Variants in MANBAL observed in about 807,000 individuals in gnomAD.
The protein encoded by MANBAL is mannosidase beta like.
Under a neutral mutation model 6.4 loss-of-function variants are expected in MANBAL, and 1 was observed. That is an observed-to-expected ratio of 0.16 (90% CI 0.06 to 0.74). The LOEUF (loss-of-function observed/expected upper bound fraction) is 0.74, where lower values mean the gene tolerates loss of function less well. Ranked by LOEUF, MANBAL falls within the 30% of genes least tolerant of loss-of-function variation. The probability of loss-of-function intolerance (pLI) is 0.78; values close to 1 mark genes in which losing one functional copy is unlikely to be tolerated. For synonymous variants in MANBAL, 47 were observed against 45.8 expected (o/e 1.03, Z -0.10); for missense variants, 100 against 107.8 (o/e 0.93, Z 0.32).
At chr20:37,296,018 T>C (rs573743438) in intron 1 of MANBAL, among the ~76,000 whole-genome samples, 1 of 152,388 alleles carries the variant, frequency 6.6e-6, no homozygotes, top group East Asian at 1.9e-4. Flanking sequence ...TAGAGCAGTT[T>C]ATGTTTCCAG....
chr20:37,306,720 C>A (rs1349119674), intron 2 of MANBAL, among the ~76,000 whole-genome samples: 1 of 152,170 alleles, frequency 6.6e-6, no homozygotes, highest in Non-Finnish European at 1.5e-5. Context: ...CAAGTCTGAT[C>A]AATTGCTTGG....
At chr20:37,314,841 C>T (rs979951303) in intron 2 of MANBAL, among the ~76,000 whole-genome samples, 5 of 152,222 alleles carry the variant, frequency 3.3e-5, no homozygotes, top group Non-Finnish European at 7.4e-5. Flanking sequence ...ACTGCCCTTC[C>T]CTGCATGGGC....
chr20:37,315,108 C>G (rs969513919), intron 2 of MANBAL, among the ~76,000 whole-genome samples: 1 of 152,190 alleles, frequency 6.6e-6, no homozygotes, highest in Non-Finnish European at 1.5e-5. Context: ...GGGCCACGGT[C>G]GGCACCTGAA....
At chr20:37,302,809 TTA>T (rs2069169144) in intron 2 of MANBAL, among the ~76,000 whole-genome samples, 1 of 152,158 alleles carries the variant, frequency 6.6e-6, no homozygotes, top group Non-Finnish European at 1.5e-5. Context: ...AATTTGTTTT[TTA>T]TGTTCAGTGG....
At chr20:37,315,557 A>G (rs755738942) in intron 2 of MANBAL, among the ~76,000 whole-genome samples, 3 of 152,216 alleles carry the variant, frequency 2.0e-5, no homozygotes, top group Non-Finnish European at 2.9e-5. Context: ...TTAGCAGCAG[A>G]ACTTTGTTTC....
chr20:37,297,472 C>T (rs1163203356), intron 1 of MANBAL: 1 of 152,174 alleles, frequency 6.6e-6, no homozygotes, highest in Admixed American at 6.5e-5. Context: ...AAGTGGCCAT[C>T]CTGTTGCCCC....
At chr20:37,304,605 G>A (rs1486330305) in intron 2 of MANBAL, among the ~76,000 whole-genome samples, 1 of 152,118 alleles carries the variant, frequency 6.6e-6, no homozygotes, top group African/African-American at 2.4e-5. Flanking sequence ...TACGCAATAT[G>A]TTCTGGAGAT....
intron 2 of MANBAL, among the ~76,000 whole-genome samples, chr20:37,309,637 T>C (rs1040090747): frequency 2.6e-5 from 4 of 152,136 alleles, no homozygotes; most frequent in African/African-American, 9.7e-5. Context: ...TGATGATGTT[T>C]TGGCTCATCA....
intron 2 of MANBAL, chr20:37,302,206 C>G: frequency 6.5e-7 from 1 of 1,548,428 alleles, no homozygotes; most frequent in Middle Eastern, 1.7e-4. Flanking sequence ...ATACCTACAT[C>G]CCAGGAATTG....
At chr20:37,290,096 C>T (rs1488494283) in intron 1 of MANBAL, among the ~76,000 whole-genome samples, 1 of 152,204 alleles carries the variant, frequency 6.6e-6, no homozygotes, top group Non-Finnish European at 1.5e-5. Flanking sequence ...GTTTCGTCTT[C>T]TAAAATGGAC....
chr20:37,299,728 G>A (rs1379648742), intron 1 of MANBAL, among the ~76,000 whole-genome samples: 2 of 152,244 alleles, frequency 1.3e-5, no homozygotes, highest in Admixed American at 1.3e-4. Context: ...GAGGGTGACA[G>A]GAGAGGCATG....
chr20:37,303,123 C>G (rs935328501), intron 2 of MANBAL, among the ~76,000 whole-genome samples: 1 of 152,204 alleles, frequency 6.6e-6, no homozygotes, highest in African/African-American at 2.4e-5. Context: ...GTTGCCCAGG[C>G]TGGTCACAAA....
chr20:37,300,041 C>A (rs191923064), intron 1 of MANBAL, among the ~76,000 whole-genome samples: 1 of 152,124 alleles, frequency 6.6e-6, no homozygotes, highest in South Asian at 2.1e-4. Context: ...TTGGCAGGGG[C>A]CTCCTCCTGG....
intron 1 of MANBAL, among the ~76,000 whole-genome samples, chr20:37,292,778 G>A (rs1289298364): frequency 6.6e-6 from 1 of 152,120 alleles, no homozygotes; most frequent in Non-Finnish European, 1.5e-5. Context: ...GTTTTGTTGA[G>A]CACTTTCTTT....
At chr20:37,290,809 A>G (rs112653696) in intron 1 of MANBAL, among the ~76,000 whole-genome samples, 2,223 of 152,036 alleles carry the variant, frequency 0.015, 25 homozygotes, top group Middle Eastern at 0.048. Flanking sequence ...GAGTCTCACT[A>G]TGTTTTCCTG....
At chr20:37,297,818 T>C (rs1046951861) in intron 1 of MANBAL, among the ~76,000 whole-genome samples, 7 of 152,114 alleles carry the variant, frequency 4.6e-5, no homozygotes, top group African/African-American at 1.7e-4. Context: ...AATTTTTTTG[T>C]ATTTTTATTA....
chr20:37,303,973 T>G (rs922456103), intron 2 of MANBAL, among the ~76,000 whole-genome samples: 3 of 152,196 alleles, frequency 2.0e-5, no homozygotes, highest in African/African-American at 7.2e-5. Flanking sequence ...GAATCCAAGT[T>G]CCCAGATGCC....
Position 37,316,684 on chromosome 20 carries a change from C to A in MANBAL, c.*269C>A. On this transcript the variant is annotated 3_prime_UTR_variant, in exon 3 of 3. Transcript: ENST00000373606. ...AGACTGTATTAGGTTTGTTCAGAAG[C>A]CGGGTCAGCTCACAGAGTCACATTT... 1 of 281,870 alleles carries A rather than the reference C, an allele frequency of 3.5e-6. No individual in the cohort carries two copies. The highest frequency in any genetic ancestry group is 6.7e-6 in the Non-Finnish European group (1 of 148,472). The allele number at this position is 281,870 out of a possible 1,614,324, so 17.5% of individuals were successfully genotyped here.
At chr20:37,298,066 A>C (rs768830791) in intron 1 of MANBAL, among the ~76,000 whole-genome samples, 3 of 152,150 alleles carry the variant, frequency 2.0e-5, no homozygotes, top group African/African-American at 4.8e-5. Context: ...GATGCCTGTA[A>C]TCTCAACACT....
Sources: allele counts gnomAD v4.1 joint callset (sites outside exome capture counted in the v4.1 genomes callset), GRCh38; gene constraint gnomAD v4.1.1; transcripts MANE v1.5; gene names NCBI Gene and HGNC (gene_info 2026-07-23, HGNC 2026-07-21).